Variants in KPNA3 observed in about 807,000 individuals in gnomAD.
The protein encoded by KPNA3 is importin subunit alpha-4.
A neutral mutation model predicts 73.8 loss-of-function variants in KPNA3; 13 were observed. The observed-to-expected ratio is 0.18, with a 90% CI of 0.11 to 0.28. The LOEUF (loss-of-function observed/expected upper bound fraction) is 0.28. Ranked by LOEUF, KPNA3 falls within the 10% of genes least tolerant of loss-of-function variation. The pLI is 1.00. For synonymous variants in KPNA3, 186 were observed against 206.9 expected, an observed-to-expected ratio of 0.90 and a Z score of 0.87; for missense variants, 360 against 618.1, an observed-to-expected ratio of 0.58 and a Z score of 4.43.
At chr13:49,722,863 C>T (rs1304996454) in intron 7 of KPNA3, among the ~76,000 whole-genome samples, 1 of 147,442 alleles carries the variant, frequency 6.8e-6, no homozygotes, top group African/African-American at 2.5e-5. Flanking sequence ...GAGTTCCTAC[C>T]CCAAACATGT....
chr13:49,749,738 A>C (rs944639536), intron 1 of KPNA3, among the ~76,000 whole-genome samples: 1 of 152,204 alleles, frequency 6.6e-6, no homozygotes, highest in African/African-American at 2.4e-5. Flanking sequence ...TAGTAGCAAA[A>C]CTTCAAAGGC....
intron 2 of KPNA3, among the ~76,000 whole-genome samples, chr13:49,744,500 T>C (rs1172973438): frequency 6.6e-6 from 1 of 152,244 alleles, no homozygotes; most frequent in Non-Finnish European, 1.5e-5. Context: ...TCATTAGTTG[T>C]TAATCCATTG....
chr13:49,755,806 TAAAG>T (rs1954706230), intron 1 of KPNA3, among the ~76,000 whole-genome samples: 1 of 151,854 alleles, frequency 6.6e-6, no homozygotes, highest in Admixed American at 6.6e-5. Context: ...AAAAATAAAA[TAAAG>T]AAAACAATCA....
chr13:49,704,448 A>C (rs1954185329), intron 15 of KPNA3, among the ~76,000 whole-genome samples: 1 of 62,650 alleles, frequency 1.6e-5, no homozygotes, highest in Non-Finnish European at 3.1e-5. Context: ...TAAATAAATA[A>C]ATAAATAAAT....
At chr13:49,739,895 A>G (rs1209699088) in intron 2 of KPNA3, among the ~76,000 whole-genome samples, 1 of 152,206 alleles carries the variant, frequency 6.6e-6, no homozygotes, top group Non-Finnish European at 1.5e-5. Flanking sequence ...AAAATTCTAT[A>G]TATGTATTGA....
intron 7 of KPNA3, among the ~76,000 whole-genome samples, chr13:49,724,857 A>G (rs1175405681): frequency 6.6e-5 from 10 of 152,206 alleles, no homozygotes; most frequent in Admixed American, 5.2e-4. Context: ...TTAGCCTCCC[A>G]AAGTGCTGGG....
At chr13:49,726,755 C>A (rs1347802773) in intron 6 of KPNA3, among the ~76,000 whole-genome samples, 1 of 151,596 alleles carries the variant, frequency 6.6e-6, no homozygotes, top group East Asian at 1.9e-4. Context: ...CCAGCCTGGG[C>A]AACACGGTGA....
At chr13:49,730,623 T>TTTATTA (rs1192300533) in intron 6 of KPNA3, among the ~76,000 whole-genome samples, 1 of 150,438 alleles carries the variant, frequency 6.6e-6, no homozygotes. Context: ...TTATTTTATT[T>TTTATTA]TTATTATTAT....
chr13:49,755,723 G>A (rs1387742240), intron 1 of KPNA3, among the ~76,000 whole-genome samples: 4 of 151,980 alleles, frequency 2.6e-5, no homozygotes, highest in South Asian at 2.1e-4. Context: ...CCCAGGAGGC[G>A]GAGGTTGCAG....
intron 10 of KPNA3, among the ~76,000 whole-genome samples, chr13:49,712,300 T>C (rs1183616127): frequency 2.0e-5 from 3 of 152,224 alleles, no homozygotes; most frequent in South Asian, 2.1e-4. Flanking sequence ...GACACACATA[T>C]TGGAATTATC....
chr13:49,756,579 G>T (rs1395623736), intron 1 of KPNA3, among the ~76,000 whole-genome samples: 1 of 152,046 alleles, frequency 6.6e-6, no homozygotes, highest in African/African-American at 2.4e-5. Flanking sequence ...GAGAAAAAAT[G>T]GAGGGGCATA....
chr13:49,776,160 C>T lies in KPNA3; in HGVS notation c.69+16278G>A, dbSNP rs186790941. 4.2e-3 allele frequency among the ~76,000 whole-genome samples: 643 copies of T among 152,298 alleles called. 5 individuals are homozygous for T. Among genetic ancestry groups the T allele is most frequent in the African/African-American group, 0.015 (611 of 41,560 alleles). ...CGAACTCCTGGCCTCAAGAGATCCA[C>T]CCACCTCAGCCTCCCAAAGTGCTGG... On this transcript the variant is annotated intron_variant, in intron 1 of 16. Transcript: ENST00000261667.
chr13:49,740,652 C>G (rs928292284), intron 2 of KPNA3, among the ~76,000 whole-genome samples: 1 of 152,116 alleles, frequency 6.6e-6, no homozygotes, highest in Non-Finnish European at 1.5e-5. Context: ...GTCCAATAAA[C>G]CTCTTTCTTT....
chr13:49,740,356 T>G (rs868584656), intron 2 of KPNA3, among the ~76,000 whole-genome samples: 2 of 151,522 alleles, frequency 1.3e-5, no homozygotes, highest in Admixed American at 6.6e-5. Context: ...TATAACACAT[T>G]GTTATTAACT....
chr13:49,743,043 G>T (rs564253081), intron 2 of KPNA3, among the ~76,000 whole-genome samples: 1 of 152,116 alleles, frequency 6.6e-6, no homozygotes, highest in Non-Finnish European at 1.5e-5. Context: ...TGGGAGGCTG[G>T]GGTGGAGGGA....
chr13:49,743,048 G>A (rs1014738929), intron 2 of KPNA3, among the ~76,000 whole-genome samples: 1 of 152,152 alleles, frequency 6.6e-6, no homozygotes, highest in Non-Finnish European at 1.5e-5. Context: ...GGCTGGGGTG[G>A]AGGGATGTAG....
intron 2 of KPNA3, among the ~76,000 whole-genome samples, chr13:49,744,033 T>C (rs902053662): frequency 2.0e-5 from 3 of 152,202 alleles, no homozygotes; most frequent in Non-Finnish European, 2.9e-5. Flanking sequence ...TGCAAAATAA[T>C]CTGTTAGAAA....
At chr13:49,723,310 G>C (rs1191516493) in intron 7 of KPNA3, among the ~76,000 whole-genome samples, 1 of 152,114 alleles carries the variant, frequency 6.6e-6, no homozygotes, top group East Asian at 1.9e-4. Context: ...GATGGCTCAT[G>C]CCTGTAATCC....
At position 49,700,536 on chromosome 13, in the gene KPNA3, A is replaced by G. The variant is rs1433353589; in HGVS notation, c.*1264T>C. ...AATTACTTAGAGATCACTGCAAATC[A>G]GGTTTATGTTAAATAACTGCAAATT... On this transcript the variant is annotated 3_prime_UTR_variant, in exon 17 of 17. Coordinates refer to ENST00000261667, the MANE Select transcript of KPNA3 (RefSeq NM_002267.4). 1.3e-5 allele frequency: 2 copies of G among 152,666 alleles called. No individual in the cohort carries two copies. The highest frequency in any genetic ancestry group is 4.8e-5 in the African/African-American group (2 of 41,466). The allele number at this position is 152,666 out of a possible 1,614,324, so 9.5% of individuals were successfully genotyped here.
Sources: allele counts gnomAD v4.1 joint callset (sites outside exome capture counted in the v4.1 genomes callset), GRCh38; gene constraint gnomAD v4.1.1; transcripts MANE v1.5; gene names NCBI Gene and HGNC (gene_info 2026-07-23, HGNC 2026-07-21).